SDHC: variants seen among roughly 807,000 people sequenced by gnomAD.
SDHC encodes the protein succinate dehydrogenase complex subunit C, also known as succinate dehydrogenase cytochrome b560 subunit, mitochondrial.
In SDHC, 11 loss-of-function variants were observed where a neutral mutation model predicts 22.6. The observed-to-expected ratio is 0.49, with a 90% CI of 0.31 to 0.81. SDHC has a LOEUF of 0.81. Among genes scored for constraint, SDHC ranks in the 30% least tolerant of loss-of-function variants. The probability of loss-of-function intolerance (pLI) is 0.05; values close to 1 mark genes in which losing one functional copy is unlikely to be tolerated. For missense variants in SDHC, 160 were observed against 212.0 expected (o/e 0.75, Z 1.52); for synonymous variants, 80 against 77.8 (o/e 1.03, Z -0.15).
intron 1 of SDHC, among the ~76,000 whole-genome samples, chr1:161,316,408 T>G (rs931560434): frequency 3.3e-5 from 5 of 152,252 alleles, no homozygotes; most frequent in Admixed American, 1.3e-4. Flanking sequence ...CGACTCTTAA[T>G]GAGCATGCTG....
At chr1:161,336,406 G>A (rs1671483368) in intron 3 of SDHC, among the ~76,000 whole-genome samples, 1 of 151,500 alleles carries the variant, frequency 6.6e-6, no homozygotes, top group Non-Finnish European at 1.5e-5. Context: ...AGTGAGCCAA[G>A]ATTGCGCCAC....
chr1:161,359,364 C>T (rs948235632), intron 5 of SDHC, among the ~76,000 whole-genome samples: 7 of 152,158 alleles, frequency 4.6e-5, no homozygotes, highest in African/African-American at 1.7e-4. Flanking sequence ...AATTAAGTGT[C>T]TGTATCAACT....
intron 3 of SDHC, chr1:161,339,666 T>TTTTTTTGTTTTTTTG: frequency 5.1e-6 from 1 of 197,708 alleles, no homozygotes; most frequent in African/African-American, 3.9e-5. Context: ...ACAGGTGTTT[T>TTTTTTTGTTTTTTTG]TTTTTTTTTT....
At chr1:161,328,859 A>G (rs966593499) in intron 3 of SDHC, among the ~76,000 whole-genome samples, 1 of 152,178 alleles carries the variant, frequency 6.6e-6, no homozygotes, top group African/African-American at 2.4e-5. Flanking sequence ...TTTATATGGA[A>G]GGTATATAGT....
intron 2 of SDHC, chr1:161,326,673 T>C (rs1425269037): frequency 6.6e-6 from 1 of 150,882 alleles, no homozygotes; most frequent in Non-Finnish European, 1.5e-5. Flanking sequence ...TCGACCAGGC[T>C]GGAGTGTAGT....
chr1:161,351,040 C>G (rs1026288163), intron 4 of SDHC, among the ~76,000 whole-genome samples: 1 of 152,160 alleles, frequency 6.6e-6, no homozygotes, highest in African/African-American at 2.4e-5. Context: ...TGTTTATTCT[C>G]TAGAGTCCAA....
chr1:161,346,603 G>A (rs1167725596), intron 4 of SDHC, among the ~76,000 whole-genome samples: 1 of 152,012 alleles, frequency 6.6e-6, no homozygotes, highest in Non-Finnish European at 1.5e-5. Context: ...TCTCCATGTT[G>A]GTCAGGCTGG....
In SDHC at chr1:161,323,724, C is replaced by G. The variant is rs898262069; in HGVS notation, c.77+54C>G. The G allele has an allele frequency of 2.9e-6, 4 of 1,367,644 alleles. No individual in the cohort carries two copies. The African/African-American group carries it at 5.9e-5, about 20-fold the overall frequency. 84.7% of individuals were successfully genotyped at this position (1,367,644 alleles called of 1,614,324 possible). On this transcript the variant is annotated intron_variant, in intron 2 of 5. Coordinates refer to ENST00000367975, the MANE Select transcript of SDHC (RefSeq NM_003001.5). ...TTTATTTTTTTTTTTGAGACGGAGT[C>G]TCGCTCTGTCACCCAGGCTGGAGTG...
At chr1:161,361,209 G>A (rs78969943) in intron 5 of SDHC, among the ~76,000 whole-genome samples, 17,746 of 151,540 alleles carry the variant, frequency 0.12, 1,415 homozygotes, top group African/African-American at 0.22. Flanking sequence ...ACAAAAAGGA[G>A]AAAATATATG....
chr1:161,354,915 G>A (rs1672218991), intron 4 of SDHC, among the ~76,000 whole-genome samples: 4 of 152,044 alleles, frequency 2.6e-5, no homozygotes, highest in Admixed American at 2.0e-4. Flanking sequence ...TCACCATGTT[G>A]CCCAGGCTGG....
At position 161,314,531 on chromosome 1, in the gene SDHC, G is replaced by A; in HGVS notation, c.20+106G>A. ...TTTATCCTGTGCCTGGGCAGGGAAA[G>A]GACCCATGGGTGTGGAGGCCAAGCG... On this transcript the variant is annotated intron_variant, in intron 1 of 5. Transcript: ENST00000367975. The A allele has an allele frequency of 2.1e-6, 3 of 1,404,116 alleles. No homozygotes were observed. The South Asian group carries it at 3.5e-5, about 17-fold the overall frequency. The allele number at this position is 1,404,116 out of a possible 1,614,324, so 87.0% of individuals were successfully genotyped here.
intron 3 of SDHC, among the ~76,000 whole-genome samples, chr1:161,331,071 C>T (rs944186282): frequency 1.3e-5 from 2 of 151,134 alleles, no homozygotes; most frequent in Non-Finnish European, 2.9e-5. Context: ...TTAGACAAGA[C>T]GTTCCCTTAT....
intron 4 of SDHC, among the ~76,000 whole-genome samples, chr1:161,355,773 C>T (rs1386389135): frequency 6.6e-6 from 1 of 152,046 alleles, no homozygotes; most frequent in African/African-American, 2.4e-5. Context: ...CACTTGAGGC[C>T]AGGAGTTTGA....
At chr1:161,336,168 G>A (rs1455108781) in intron 3 of SDHC, among the ~76,000 whole-genome samples, 2 of 152,132 alleles carry the variant, frequency 1.3e-5, no homozygotes, top group Non-Finnish European at 2.9e-5. Context: ...AGAGATAAAA[G>A]TTTTAGGAGG....
At chr1:161,323,987 C>T (rs1216167846) in intron 2 of SDHC, among the ~76,000 whole-genome samples, 1 of 152,172 alleles carries the variant, frequency 6.6e-6, no homozygotes, top group East Asian at 1.9e-4. Flanking sequence ...TGAGCCACCG[C>T]GCCCGGCCCT....
intron 2 of SDHC, among the ~76,000 whole-genome samples, chr1:161,326,242 C>A (rs945023673): frequency 6.6e-6 from 1 of 151,814 alleles, no homozygotes; most frequent in South Asian, 2.1e-4. Flanking sequence ...CTGATATGAC[C>A]TCATCAGATG....
At chr1:161,336,411 C>T (rs1267180262) in intron 3 of SDHC, among the ~76,000 whole-genome samples, 2 of 151,360 alleles carry the variant, frequency 1.3e-5, no homozygotes, top group African/African-American at 2.4e-5. Context: ...GCCAAGATTG[C>T]GCCACTGCAC....
intron 1 of SDHC, among the ~76,000 whole-genome samples, chr1:161,317,526 GTT>G (rs1486606724): frequency 1.7e-5 from 2 of 118,510 alleles, no homozygotes; most frequent in Non-Finnish European, 3.4e-5. Flanking sequence ...CAATGCCTTG[GTT>G]TTGTGTGTGT....
At chr1:161,358,892 C>T (rs1482129896) in intron 5 of SDHC, among the ~76,000 whole-genome samples, 24 of 147,994 alleles carry the variant, frequency 1.6e-4, no homozygotes, top group Admixed American at 4.1e-4. Context: ...TGCCATTGTA[C>T]TCCATCCAGC....
Sources: gnomAD v4.1 joint callset for allele counts (sites outside exome capture counted in the v4.1 genomes callset) on GRCh38, gnomAD v4.1.1 for gene constraint, MANE v1.5 for transcripts, NCBI Gene and HGNC (gene_info 2026-07-23, HGNC 2026-07-21) for gene names.